Variants in OSBPL1A observed in about 807,000 individuals in gnomAD.
OSBPL1A encodes the protein oxysterol-binding protein-related protein 1.
Under a neutral mutation model 137.1 loss-of-function variants are expected in OSBPL1A, and 80 were observed. The observed-to-expected ratio is 0.58, with a 90% CI of 0.49 to 0.70. The LOEUF is 0.70. Ranked by LOEUF, OSBPL1A falls within the 30% of genes least tolerant of loss-of-function variation. OSBPL1A has a pLI of 0.00. For synonymous variants in OSBPL1A, 365 were observed against 389.7 expected, an observed-to-expected ratio of 0.94 and a Z score of 0.75; for missense variants, 970 against 1,129.4, an observed-to-expected ratio of 0.86 and a Z score of 2.02.
chr18:24,362,048 G>A (rs1599715321), intron 4 of OSBPL1A, among the ~76,000 whole-genome samples: 1 of 150,378 alleles, frequency 6.6e-6, no homozygotes. Flanking sequence ...ACTAATACAA[G>A]GTAGAAGACG....
intron 2 of OSBPL1A, among the ~76,000 whole-genome samples, chr18:24,375,314 CAAAAAAAAA>C (rs61252568): frequency 2.4e-5 from 1 of 41,696 alleles, no homozygotes; most frequent in African/African-American, 8.6e-5. Flanking sequence ...AACCCTGTCT[CAAAAAAAAA>C]AAAAAAAAAA....
intron 1 of OSBPL1A, among the ~76,000 whole-genome samples, chr18:24,382,713 A>AAAAATAC (rs1906686087): frequency 6.6e-6 from 1 of 151,796 alleles, no homozygotes; most frequent in Admixed American, 6.6e-5. Flanking sequence ...CCATCTCTAC[A>AAAAATAC]AAAATACAAA....
chr18:24,175,548 G>A (rs1020237409), intron 21 of OSBPL1A, among the ~76,000 whole-genome samples: 1 of 152,008 alleles, frequency 6.6e-6, no homozygotes, highest in Non-Finnish European at 1.5e-5. Context: ...CAAGTCCTTT[G>A]TTGGCTATAT....
intron 7 of OSBPL1A, among the ~76,000 whole-genome samples, chr18:24,331,694 C>G (rs1005289500): frequency 1.3e-5 from 2 of 150,674 alleles, no homozygotes; most frequent in African/African-American, 5.0e-5. Flanking sequence ...CCGCGCCCGG[C>G]GGCATGTTCC....
At chr18:24,298,135 A>C (rs2090325958) in intron 14 of OSBPL1A, among the ~76,000 whole-genome samples, 1 of 152,134 alleles carries the variant, frequency 6.6e-6, no homozygotes, top group Non-Finnish European at 1.5e-5. Context: ...TACACTCCCA[A>C]CAGTGCCATG....
intron 4 of OSBPL1A, among the ~76,000 whole-genome samples, chr18:24,360,217 C>T (rs1026847988): frequency 3.3e-5 from 5 of 152,244 alleles, no homozygotes; most frequent in Admixed American, 2.0e-4. Context: ...GTGATCCACC[C>T]GCCTTGGCCT....
chr18:24,186,978 A>G (rs1482132115), intron 18 of OSBPL1A, among the ~76,000 whole-genome samples: 4 of 151,876 alleles, frequency 2.6e-5, no homozygotes, highest in East Asian at 1.9e-4. Flanking sequence ...ACAGCCTCAT[A>G]CCGCAGCAGC....
At position 24,341,607 on chromosome 18, in the gene OSBPL1A, C is replaced by CA; in HGVS notation, c.333dup (p.Gly112TrpfsTer13). The CA allele has an allele frequency of 1.2e-6, 2 of 1,613,218 alleles. No individual in the cohort carries two copies. Among genetic ancestry groups the CA allele is most frequent in the Non-Finnish European group, 1.7e-6 (2 of 1,179,578 alleles). On this transcript the variant is annotated frameshift_variant, in exon 5 of 28. Transcript: ENST00000319481. LOFTEE classifies it high-confidence loss of function. ...ACTTCTTTTGCTGTCTGTCCACTCCCATTAACAATAGTAGTATCAGCATTA... is the reference window on the plus strand; with the variant it reads ...ACTTCTTTTGCTGTCTGTCCACTCCCAATTAACAATAGTAGTATCAGCATTA...
chr18:24,390,649 C>T (rs776730006), intron 1 of OSBPL1A, among the ~76,000 whole-genome samples: 14 of 122,104 alleles, frequency 1.1e-4, no homozygotes, highest in South Asian at 1.1e-3. Flanking sequence ...GAGCCAAGAT[C>T]GTGCTACTCT....
chr18:24,302,879 T>C (rs1568012353), intron 14 of OSBPL1A: 1 of 152,152 alleles, frequency 6.6e-6, no homozygotes. Context: ...ACTTCTTTAT[T>C]TTATGGATGA....
chr18:24,394,899 G>A (rs935885795), intron 1 of OSBPL1A, among the ~76,000 whole-genome samples: 9 of 152,164 alleles, frequency 5.9e-5, no homozygotes, highest in African/African-American at 2.2e-4. Context: ...TATCTTCCTA[G>A]TAATAGCATT....
chr18:24,302,651 A>C (rs2090425071), intron 14 of OSBPL1A: 1 of 152,098 alleles, frequency 6.6e-6, no homozygotes, highest in Non-Finnish European at 1.5e-5. Context: ...TGAACTCCTG[A>C]CCTCAGGTGA....
intron 2 of OSBPL1A, among the ~76,000 whole-genome samples, chr18:24,373,030 C>A (rs1905791621): frequency 6.6e-6 from 1 of 152,108 alleles, no homozygotes; most frequent in Admixed American, 6.6e-5. Flanking sequence ...TTGCACCCTG[C>A]ACTCCAGCCT....
At position 24,167,327 on chromosome 18, in the gene OSBPL1A, A is replaced by T; in HGVS notation, c.2535+2T>A. ...GGCCACAGCCAGCAAGCCCAGTCTC[A>T]CCTGGGCAGAATTTGGAGGCCGTGG... On this transcript the variant is annotated splice_donor_variant, in intron 25 of 27. Transcript: ENST00000319481. LOFTEE classifies it high-confidence loss of function. 6.2e-7 allele frequency: 1 copy of T among 1,610,826 alleles called. No individual in the cohort carries two copies. The highest frequency in any genetic ancestry group is 1.1e-5 in the South Asian group (1 of 91,018).
At chr18:24,386,627 G>A (rs1186791448) in intron 1 of OSBPL1A, among the ~76,000 whole-genome samples, 1 of 152,124 alleles carries the variant, frequency 6.6e-6, no homozygotes, top group Non-Finnish European at 1.5e-5. Flanking sequence ...GGAGGAGACT[G>A]GCACCTTCTC....
At chr18:24,267,746 A>T (rs568192660) in intron 15 of OSBPL1A, among the ~76,000 whole-genome samples, 11 of 152,278 alleles carry the variant, frequency 7.2e-5, no homozygotes, top group African/African-American at 2.6e-4. Context: ...GATAAAAAAA[A>T]TTTTCAACAA....
At chr18:24,226,531 C>T (rs777053258) in intron 16 of OSBPL1A, among the ~76,000 whole-genome samples, 15 of 152,182 alleles carry the variant, frequency 9.9e-5, no homozygotes, top group Non-Finnish European at 2.1e-4. Flanking sequence ...CAGCAAACTT[C>T]CTATTTCAAT....
chr18:24,255,921 A>C (rs914842791), intron 15 of OSBPL1A, among the ~76,000 whole-genome samples: 2 of 151,916 alleles, frequency 1.3e-5, no homozygotes, highest in African/African-American at 4.8e-5. Flanking sequence ...CAGCCCCCCA[A>C]GTAGTTGGGA....
intron 17 of OSBPL1A, among the ~76,000 whole-genome samples, chr18:24,202,697 T>A (rs565562054): frequency 1.3e-5 from 2 of 152,202 alleles, no homozygotes; most frequent in Admixed American, 1.3e-4. Context: ...TAACAGGTAT[T>A]CCAGAACAAA....
Sources: allele counts gnomAD v4.1 joint callset (sites outside exome capture counted in the v4.1 genomes callset), GRCh38; gene constraint gnomAD v4.1.1; transcripts MANE v1.5; gene names NCBI Gene and HGNC (gene_info 2026-07-23, HGNC 2026-07-21).